FHAD1: variants seen among roughly 807,000 people sequenced by gnomAD.
FHAD1 encodes forkhead associated phosphopeptide binding domain 1.
A neutral mutation model predicts 191.3 loss-of-function variants in FHAD1; 146 were observed. The ratio of observed to expected loss-of-function variants is 0.76; its 90% CI spans 0.67 to 0.88. FHAD1 has a LOEUF of 0.88. Ranked by LOEUF, FHAD1 falls within the 40% of genes least tolerant of loss-of-function variation. The probability of loss-of-function intolerance (pLI) is 0.00; values close to 1 mark genes in which losing one functional copy is unlikely to be tolerated. For synonymous variants in FHAD1, 616 were observed against 672.3 expected (o/e 0.92, Z 1.29); for missense variants, 1,635 against 1,785.8 (o/e 0.92, Z 1.52).
At chr1:15,387,998 T>C in intron 31 of FHAD1, 53 bp from the exon 32 acceptor site, 1 of 1,054,314 alleles carries the variant, frequency 9.5e-7, no homozygotes, top group Non-Finnish European at 1.3e-6. Flanking sequence ...TTGGAACGGG[T>C]AAGGACACAC....
chr1:15,314,344 G>A (rs756689582), intron 8 of FHAD1: 2 of 152,182 alleles, frequency 1.3e-5, no homozygotes, highest in East Asian at 1.9e-4. Flanking sequence ...ACTGGAGCTG[G>A]GGAAAGGCAG....
Position 15,380,712 on chromosome 1 carries a change from C to T in FHAD1, c.3717C>T (p.Gly1239=). The change falls in exon 29 of 34, where the codon GGC becomes GGT. Residue 1239 remains glycine (G), a synonymous_variant. Coordinates refer to ENST00000688493, the MANE Select transcript of FHAD1 (RefSeq NM_001391957.1). ...CTTTCTGATTTCAGCCTCAGAATGGCCTTTGCAACGCAAGGTTCGGCTCAG... is the reference window on the plus strand; with the variant it reads ...CTTTCTGATTTCAGCCTCAGAATGGTCTTTGCAACGCAAGGTTCGGCTCAG... ...SRIEILAPQN[G]LCNARFGSAM... The T allele has an allele frequency of 6.4e-7, 1 of 1,551,594 alleles. No homozygotes were observed. Among genetic ancestry groups the T allele is most frequent in the Middle Eastern group, 1.7e-4 (1 of 5,992 alleles).
chr1:15,362,682 C>T lies in FHAD1; in HGVS notation c.3003C>T (p.Pro1001=). The T allele has an allele frequency of 6.4e-7, 1 of 1,551,796 alleles. No individual in the cohort carries two copies. The highest frequency in any genetic ancestry group is 8.7e-7 in the Non-Finnish European group (1 of 1,146,994). The change falls in exon 23 of 34, where the codon CCC becomes CCT. Residue 1001 remains proline (P), a synonymous_variant. Transcript: ENST00000688493. Reference sequence around the variant, plus strand: ...GGCCGCAAGACCCTCTGGTGGCTCCCATGACAGAGAGCAGTGCCAAAGACA... The same window carrying T: ...GGCCGCAAGACCCTCTGGTGGCTCCTATGACAGAGAGCAGTGCCAAAGACA... The part of the protein sequence containing the change: ...EERPQDPLVA[P]MTESSAKDMA...
intron 16 of FHAD1, among the ~76,000 whole-genome samples, chr1:15,342,231 T>C (rs1371333071): frequency 6.6e-6 from 1 of 152,190 alleles, no homozygotes; most frequent in Non-Finnish European, 1.5e-5. Flanking sequence ...CAAGATCAAC[T>C]TCAGATGACA....
At chr1:15,353,736 A>AAAAAAAAAAG (rs1691739219) in intron 20 of FHAD1, among the ~76,000 whole-genome samples, 1 of 150,842 alleles carries the variant, frequency 6.6e-6, no homozygotes, top group African/African-American at 2.5e-5. Flanking sequence ...AGAAAAGAAA[A>AAAAAAAAAAG]AAAAAAAAAG....
rs1182979023 is a variant in FHAD1, at chr1:15,318,503, G to A, written c.1365+575G>A. 4.6e-5 allele frequency among the ~76,000 whole-genome samples: 7 copies of A among 152,108 alleles called. No homozygotes were observed. Among genetic ancestry groups the A allele is most frequent in the African/African-American group, 9.7e-5 (4 of 41,418 alleles). On this transcript the variant is annotated intron_variant, in intron 10 of 33. Coordinates refer to ENST00000688493, the MANE Select transcript of FHAD1 (RefSeq NM_001391957.1). This position sits in a 1 kb window ranked among gnomAD's most constrained non-coding sequence, Gnocchi z 4.1. Reference sequence around the variant, plus strand: ...ACAAAAATTAGCCAGATGTGGTGGCGGAGGCCTGTAATTCCAGCCACTCAG... The same window carrying A: ...ACAAAAATTAGCCAGATGTGGTGGCAGAGGCCTGTAATTCCAGCCACTCAG...
Position 15,365,938 on chromosome 1 carries a change from G to T in FHAD1, c.3154+5G>T. On this transcript the variant is annotated splice_donor_5th_base_variant and intron_variant, in intron 24 of 33. Transcript: ENST00000688493. The stretch of plus-strand genomic sequence containing the variant: ...GCAGAATGTCGGATTTGAGAGGTTT[G>T]AACAATTTCTGGTGTCTCTTGACCT... The T allele has an allele frequency of 6.5e-7, 1 of 1,543,494 alleles. No individual in the cohort carries two copies. Among genetic ancestry groups the T allele is most frequent in the South Asian group, 1.2e-5 (1 of 83,880 alleles).
intron 4 of FHAD1, among the ~76,000 whole-genome samples, chr1:15,296,056 G>C (rs1182135606): frequency 6.6e-6 from 1 of 152,076 alleles, no homozygotes; most frequent in Non-Finnish European, 1.5e-5. Flanking sequence ...GAGATTAAAT[G>C]ACCTGCCCGA....
rs946381808 is a variant in FHAD1, at chr1:15,250,777, T to G, written c.-14-994T>G. ...TCAGTTGAGCCCAAGAGTTCAAGAC[T>G]GCAGCGAGCTATGATTGTGCCACTG... is the stretch of plus-strand genomic sequence containing the variant. On this transcript the variant is annotated intron_variant, in intron 1 of 33. Transcript: ENST00000688493. 4.6e-5 allele frequency among the ~76,000 whole-genome samples: 7 copies of G among 150,860 alleles called. No homozygotes were observed. The East Asian group carries it at 1.4e-3, about 30-fold the overall frequency.
intron 3 of FHAD1, among the ~76,000 whole-genome samples, chr1:15,284,371 C>T (rs957403541): frequency 2.7e-5 from 4 of 150,382 alleles, no homozygotes; most frequent in African/African-American, 7.4e-5. Flanking sequence ...CCCAGCTACT[C>T]GGGAAGCTGA....
At chr1:15,257,920 C>G (rs1188499200) in intron 2 of FHAD1, among the ~76,000 whole-genome samples, 1 of 152,172 alleles carries the variant, frequency 6.6e-6, no homozygotes, top group Non-Finnish European at 1.5e-5. Flanking sequence ...TGGCTCACTG[C>G]GGCCTCTGCC....
At chr1:15,357,307 A>C (rs538895270) in intron 20 of FHAD1, among the ~76,000 whole-genome samples, 1 of 152,350 alleles carries the variant, frequency 6.6e-6, no homozygotes, top group African/African-American at 2.4e-5. Context: ...GGAGGGACTC[A>C]GAATAGAATG....
chr1:15,239,974 T>G (rs1645172437), intron 1 of FHAD1, among the ~76,000 whole-genome samples: 1 of 152,224 alleles, frequency 6.6e-6, no homozygotes, highest in African/African-American at 2.4e-5. Context: ...CCAACGGACA[T>G]ACACAGTGGC....
At chr1:15,304,173 C>A (rs891627382) in intron 6 of FHAD1, among the ~76,000 whole-genome samples, 32 of 152,356 alleles carry the variant, frequency 2.1e-4, no homozygotes, top group Admixed American at 1.8e-3. Context: ...TGATACAATA[C>A]CCCAAGACAA....
Position 15,345,073 on chromosome 1 carries a change from T to G in FHAD1, c.2131-10T>G. Reference sequence around the variant, plus strand: ...ACCATGTCTGTTAAACAATGGTCATTGGTTTCCAGGCTTTGGAGGAGTACA... The same window carrying G: ...ACCATGTCTGTTAAACAATGGTCATGGGTTTCCAGGCTTTGGAGGAGTACA... On this transcript the variant is annotated splice_polypyrimidine_tract_variant and intron_variant, in intron 16 of 33. Coordinates refer to ENST00000688493, the MANE Select transcript of FHAD1 (RefSeq NM_001391957.1). The G allele has an allele frequency of 6.5e-7, 1 of 1,548,104 alleles. No individual in the cohort carries two copies. The highest frequency in any genetic ancestry group is 8.7e-7 in the Non-Finnish European group (1 of 1,143,648).
At position 15,311,750 on chromosome 1, in the gene FHAD1, T is replaced by G. The variant is rs1342263998; in HGVS notation, c.1040-1307T>G. On this transcript the variant is annotated intron_variant, in intron 7 of 33. Transcript: ENST00000688493. This position sits in a 1 kb window ranked among gnomAD's most constrained non-coding sequence, Gnocchi z 4.1. ...TGCATTATGCACCCTTCTTCTCACT[T>G]TTTCTCAATGTGATAATACAATAAT... Among the ~76,000 whole-genome samples, 1 of 152,210 alleles carries G rather than the reference T, an allele frequency of 6.6e-6. No individual in the cohort carries two copies. The highest frequency in any genetic ancestry group is 6.5e-5 in the Admixed American group (1 of 15,280).
intron 19 of FHAD1, among the ~76,000 whole-genome samples, chr1:15,350,655 T>C (rs1185566767): frequency 2.0e-5 from 3 of 152,226 alleles, no homozygotes; most frequent in Non-Finnish European, 4.4e-5. Flanking sequence ...GCATGCCCCT[T>C]GCCCTCTCCA....
chr1:15,336,450 C>T (rs74877625), intron 14 of FHAD1, among the ~76,000 whole-genome samples: 3 of 152,190 alleles, frequency 2.0e-5, no homozygotes, highest in East Asian at 3.9e-4. Context: ...CCCACTAGGT[C>T]TTCCTCCTAC....
chr1:15,360,657 T>TA lies in FHAD1; in HGVS notation c.2923dup (p.Ile975AsnfsTer12), dbSNP rs769346962. On this transcript the variant is annotated frameshift_variant, in exon 22 of 34. Transcript: ENST00000688493. LOFTEE classifies it high-confidence loss of function. ...AACTCCAGAAAGTCACTCAGCACCA[T>TA]AAAAAAATAGAAGGCGAGATTGCAA... 10 of 1,551,376 alleles carry TA rather than the reference T, an allele frequency of 6.4e-6. No homozygotes were observed. Among genetic ancestry groups the TA allele is most frequent in the African/African-American group, 4.1e-5 (3 of 72,898 alleles).
Sources: allele counts gnomAD v4.1 joint callset (sites outside exome capture counted in the v4.1 genomes callset), GRCh38; gene constraint gnomAD v4.1.1; non-coding constraint Gnocchi (gnomAD v3.1); transcripts MANE v1.5; gene names NCBI Gene and HGNC (gene_info 2026-07-23, HGNC 2026-07-21).